Variants in AZGP1 observed in about 807,000 individuals in gnomAD.
The protein encoded by AZGP1 is zinc-alpha-2-glycoprotein.
In AZGP1, 28 loss-of-function variants were observed where a neutral mutation model predicts 31.5. The observed-to-expected ratio is 0.89, with a 90% CI of 0.66 to 1.22. AZGP1 has a LOEUF of 1.22. Among genes scored for constraint, AZGP1 ranks in the 50% most tolerant of loss-of-function variants. The pLI, the probability that AZGP1 is intolerant of heterozygous loss-of-function variation, is 0.00. For synonymous variants in AZGP1, 135 were observed against 145.4 expected (o/e 0.93, Z 0.51); for missense variants, 361 against 371.8 (o/e 0.97, Z 0.24).
At chr7:99,967,544 A>T (rs1789504796) in intron 3 of AZGP1, 1 of 538,130 alleles carries the variant, frequency 1.9e-6, no homozygotes, top group Non-Finnish European at 3.3e-6. Flanking sequence ...ATGTTTTCCC[A>T]CATCTCAGTG....
rs531536797 is a variant in AZGP1, at chr7:99,971,945, C to T, written c.138G>A (p.Ala46=). The T allele has an allele frequency of 1.3e-4, 215 of 1,614,092 alleles. No individual in the cohort carries two copies. Among genetic ancestry groups the T allele is most frequent in the Non-Finnish European group, 1.7e-4 (197 of 1,180,000 alleles). ...CATTGAGTGAGCCAAGGGCCTGAAA[C>T]GCGGGGACGTCTTCAACATGCTTGG... ...GLSKHVEDVP[A]FQALGSLNDL... Residue 46 remains alanine (A), a synonymous_variant, in exon 2 of 4, where the codon GCG becomes GCA. Transcript: ENST00000292401.
At chr7:99,973,905 CAAAAAAA>C (rs199566652) in intron 1 of AZGP1, among the ~76,000 whole-genome samples, 4 of 58,056 alleles carry the variant, frequency 6.9e-5, no homozygotes, top group African/African-American at 1.7e-4. Flanking sequence ...AACTCTGTCA[CAAAAAAA>C]AAAAAAAAAA....
At chr7:99,967,659 TAC>T in intron 3 of AZGP1, 1 of 408,406 alleles carries the variant, frequency 2.4e-6, no homozygotes, top group East Asian at 5.0e-5. Flanking sequence ...TGAGTCTCAC[TAC>T]GTCTCCAATC....
chr7:99,973,122 A>AC (rs1299663374), intron 1 of AZGP1, among the ~76,000 whole-genome samples: 1 of 151,896 alleles, frequency 6.6e-6, no homozygotes, highest in Non-Finnish European at 1.5e-5. Flanking sequence ...ATCTCAAAAA[A>AC]AAAAAAATTA....
chr7:99,972,510 C>A (rs922272742), intron 1 of AZGP1, among the ~76,000 whole-genome samples: 3 of 152,094 alleles, frequency 2.0e-5, no homozygotes, highest in Admixed American at 6.5e-5. Flanking sequence ...ATCTGACATG[C>A]GTTAGAAATT....
Position 99,967,661 on chromosome 7 carries a change from C to T in AZGP1, c.614-375G>A, listed in dbSNP as rs778078645. On this transcript the variant is annotated intron_variant, in intron 3 of 3. Coordinates refer to ENST00000292401, the MANE Select transcript of AZGP1 (RefSeq NM_001185.4). ...CACTGCACAATCCTGAGTCTCACTA[C>T]GTCTCCAATCCAAGTCTCAGCTTGC... 20 of 406,984 alleles carry T rather than the reference C, an allele frequency of 4.9e-5. No homozygotes were observed. In the Admixed American group the frequency reaches 7.7e-4, roughly 16 times the overall value. The allele number at this position is 406,984 out of a possible 1,614,324, so 25.2% of individuals were successfully genotyped here.
At chr7:99,968,543 T>G in intron 2 of AZGP1, 113 bp from the exon 3 acceptor site, 1 of 1,328,908 alleles carries the variant, frequency 7.5e-7, no homozygotes, top group South Asian at 1.3e-5. Context: ...TTTTTGCAAT[T>G]CAAGCATGCA....
chr7:99,974,079 T>C (rs929253856), intron 1 of AZGP1, among the ~76,000 whole-genome samples: 1 of 151,002 alleles, frequency 6.6e-6, no homozygotes, highest in Non-Finnish European at 1.5e-5. Flanking sequence ...TCAAGACCAG[T>C]CTAGCCAACA....
chr7:99,973,905 C>T (rs892419726), intron 1 of AZGP1, among the ~76,000 whole-genome samples: 2 of 58,034 alleles, frequency 3.4e-5, no homozygotes, highest in Non-Finnish European at 7.7e-5. Context: ...AACTCTGTCA[C>T]AAAAAAAAAA....
At chr7:99,967,571 C>G in intron 3 of AZGP1, 1 of 510,376 alleles carries the variant, frequency 2.0e-6, no homozygotes, top group South Asian at 2.2e-5. Flanking sequence ...GGAGTTCTGT[C>G]CCCCAGTCTC....
intron 1 of AZGP1, among the ~76,000 whole-genome samples, chr7:99,974,905 TC>T (rs914512609): frequency 3.3e-5 from 5 of 152,114 alleles, no homozygotes; most frequent in African/African-American, 1.2e-4. Flanking sequence ...GCCTCAGATG[TC>T]CCCTAAAGAG....
At position 99,971,750 on chromosome 7, in the gene AZGP1, A is replaced by G. The variant is rs1195651091; in HGVS notation, c.333T>C (p.Ser111=). 4 of 1,613,654 alleles carry G rather than the reference A, an allele frequency of 2.5e-6. No individual in the cohort carries two copies. The highest frequency in any genetic ancestry group is 3.4e-6 in the Non-Finnish European group (4 of 1,179,828). ...LKDIVEYYND[S]NGSHVLQGRF... is the part of the protein sequence containing the mutation. ...TGTGGTCTGTTATTCACTGACCGTT[A>G]CTGTCGTTGTAATACTCCACGATGT... The change falls in exon 2 of 4, where the codon AGT becomes AGC. Residue 111 remains serine (S), a synonymous_variant. Coordinates refer to ENST00000292401, the MANE Select transcript of AZGP1 (RefSeq NM_001185.4).
intron 2 of AZGP1, 108 bp from the exon 3 acceptor site, chr7:99,968,538 G>T: frequency 2.9e-6 from 4 of 1,368,338 alleles, no homozygotes; most frequent in East Asian, 2.3e-5. Context: ...AAAGGTTTTT[G>T]CAATTCAAGC....
At chr7:99,974,684 G>A (rs746367110) in intron 1 of AZGP1, among the ~76,000 whole-genome samples, 26 of 152,162 alleles carry the variant, frequency 1.7e-4, no homozygotes, top group Non-Finnish European at 2.6e-4. Flanking sequence ...ATAAAAGCTT[G>A]AAGGGATGGA....
Position 99,966,998 on chromosome 7 carries a change from G to C in AZGP1, c.*5C>G. 1.2e-6 allele frequency: 2 copies of C among 1,612,090 alleles called. No individual in the cohort carries two copies. The highest frequency in any genetic ancestry group is 1.7e-6 in the Non-Finnish European group (2 of 1,178,630). On this transcript the variant is annotated 3_prime_UTR_variant, in exon 4 of 4. Transcript: ENST00000292401. ...AGATCCCACATTGCCTCCAACCCTT[G>C]CTTCCTAGCTGGCCTCCCAGGGCAC...
At chr7:99,971,662 A>T in intron 2 of AZGP1, 84 bp downstream of exon 2, 1 of 1,486,818 alleles carries the variant, frequency 6.7e-7, no homozygotes, top group Non-Finnish European at 9.1e-7. Context: ...GACTATTTCC[A>T]TCCTGCTGAT....
chr7:99,975,009 T>C (rs1789634993), intron 1 of AZGP1, among the ~76,000 whole-genome samples: 1 of 152,224 alleles, frequency 6.6e-6, no homozygotes, highest in Non-Finnish European at 1.5e-5. Flanking sequence ...TCTGAAGATT[T>C]AGGACTTGTT....
chr7:99,967,808 T>G (rs1345721568), intron 3 of AZGP1: 1 of 542,736 alleles, frequency 1.8e-6, no homozygotes, highest in Non-Finnish European at 3.2e-6. Context: ...ACGATGGGAT[T>G]TGGAATCTGA....
chr7:99,974,128 C>T (rs1046338760), intron 1 of AZGP1, among the ~76,000 whole-genome samples: 8 of 151,768 alleles, frequency 5.3e-5, no homozygotes, highest in African/African-American at 1.5e-4. Flanking sequence ...CATAAGTTAG[C>T]CGTGTGTGGC....
Sources: allele counts gnomAD v4.1 joint callset (sites outside exome capture counted in the v4.1 genomes callset), GRCh38; gene constraint gnomAD v4.1.1; transcripts MANE v1.5; gene names NCBI Gene and HGNC (gene_info 2026-07-23, HGNC 2026-07-21).